The following TMEM202 variants were observed in gnomAD, a reference collection of about 807,000 sequenced individuals.
TMEM202 encodes transmembrane protein 202.
Under a neutral mutation model 26.1 loss-of-function variants are expected in TMEM202, and 25 were observed. The observed-to-expected ratio is 0.96, with a 90% confidence interval of 0.70 to 1.34. The LOEUF (loss-of-function observed/expected upper bound fraction) is 1.34, where lower values mean the gene tolerates loss of function less well. Ranked by LOEUF, TMEM202 falls within the 40% of genes most tolerant of loss-of-function variation. The pLI, the probability that TMEM202 is intolerant of heterozygous loss-of-function variation, is 0.00. For missense variants in TMEM202, 301 were observed against 327.7 expected (o/e 0.92, Z 0.63); for synonymous variants, 122 against 119.0 (o/e 1.02, Z -0.16).
intron 4 of TMEM202, 92 bp downstream of exon 4, chr15:72,407,309 C>G (rs574595247): frequency 7.4e-4 from 1,058 of 1,430,448 alleles, no homozygotes; most frequent in Non-Finnish European, 8.7e-4. Flanking sequence ...GAAGCACTGA[C>G]TGTTCCTTTT....
intron 4 of TMEM202, 141 bp from the exon 5 acceptor site, chr15:72,407,550 G>A: frequency 5.5e-6 from 4 of 722,362 alleles, no homozygotes; most frequent in Non-Finnish European, 6.9e-6. Flanking sequence ...AGCACAGGAG[G>A]GTAAAGTAAC....
rs753841322 is a variant in TMEM202 at position 72,407,085 on chromosome 15, GC to G, written c.488del (p.Ala163ValfsTer53). 5.0e-6 allele frequency: 8 copies of G among 1,611,702 alleles called. No individual in the cohort carries two copies. The African/African-American group carries it at 9.4e-5, about 19-fold the overall frequency. On this transcript the variant is annotated frameshift_variant and splice_region_variant, in exon 4 of 5. Transcript: ENST00000341689. LOFTEE classifies it high-confidence loss of function. ...TGTGACATCTTTCCTTCTGGTCCTA[GC>G]TACCTGCTTGCTCCTCTGCCTCAAC... is the stretch of plus-strand genomic sequence containing the variant. ...LKVSMLSFIS[A>X]TCLLLCLNLF... is the part of the protein sequence containing the mutation.
At chr15:72,406,862 A>G (rs1203354736) in intron 3 of TMEM202, 111 bp downstream of exon 3, 1 of 1,312,750 alleles carries the variant, frequency 7.6e-7, no homozygotes, top group Non-Finnish European at 1.1e-6. Flanking sequence ...CTTCTTCAGT[A>G]TCACACCAAC....
chr15:72,400,227 AAAG>A (rs2063541200), intron 2 of TMEM202, among the ~76,000 whole-genome samples: 1 of 152,266 alleles, frequency 6.6e-6, no homozygotes, highest in Admixed American at 6.5e-5. Context: ...GACATGCACA[AAAG>A]AAGAACTATA....
rs749213671 is a variant in TMEM202, at chr15:72,398,790, C to T, written c.219C>T (p.Ala73=). The T allele has an allele frequency of 1.2e-6, 2 of 1,614,176 alleles. No individual in the cohort carries two copies. Among genetic ancestry groups the T allele is most frequent in the Non-Finnish European group, 1.7e-6 (2 of 1,180,038 alleles). Residue 73 remains alanine (A), a synonymous_variant, in exon 2 of 5, where the codon GCC becomes GCT. Coordinates refer to ENST00000341689, the MANE Select transcript of TMEM202 (RefSeq NM_001080462.3). ...LCSFSLLMLI[A]MSPLNWVQFL... ...GTTTTAGCCTCCTAATGCTGATCGC[C>T]ATGTCCCCACTGAACTGGGTACAGT...
In TMEM202 at chr15:72,407,810, G is replaced by A. The variant is rs1458937610; in HGVS notation, c.739G>A (p.Ala247Thr). The A allele has an allele frequency of 1.2e-6, 2 of 1,614,112 alleles. No homozygotes were observed. The highest frequency in any genetic ancestry group is 1.7e-5 in the Admixed American group (1 of 60,018). ...TGGTCCGGTGACTACAGTATCACCT[G>A]CTAAAGATGAAGGGCCAAGGTCTGA... is the stretch of plus-strand genomic sequence containing the variant. ...GVGPVTTVSP[A>T]KDEGPRSEME... is the part of the protein sequence containing the mutation. The change falls in exon 5 of 5, where the codon GCT (alanine) becomes ACT (threonine). Residue 247 changes from alanine to threonine, a missense_variant. Coordinates refer to ENST00000341689, the MANE Select transcript of TMEM202 (RefSeq NM_001080462.3).
intron 2 of TMEM202, among the ~76,000 whole-genome samples, chr15:72,401,413 G>A (rs1436838525): frequency 1.3e-5 from 2 of 152,116 alleles, no homozygotes; most frequent in Non-Finnish European, 2.9e-5. Flanking sequence ...GCGTGGTAGT[G>A]GGCACCTGCA....
At chr15:72,402,252 C>T (rs888872826) in intron 2 of TMEM202, among the ~76,000 whole-genome samples, 58 of 152,190 alleles carry the variant, frequency 3.8e-4, no homozygotes, top group Admixed American at 2.4e-3. Flanking sequence ...AGGCATGAGC[C>T]ACTGCACCTG....
At chr15:72,401,718 CTTTGT>C (rs2063548505) in intron 2 of TMEM202, among the ~76,000 whole-genome samples, 1 of 152,128 alleles carries the variant, frequency 6.6e-6, no homozygotes, top group South Asian at 2.1e-4. Flanking sequence ...TTTGTTTATG[CTTTGT>C]TTTATCTCTA....
At position 72,407,156 on chromosome 15, in the gene TMEM202, G is replaced by T. The variant is rs1165023405; in HGVS notation, c.558G>T (p.Glu186Asp). Reference sequence around the variant, plus strand: ...ACTGGCATACTAGGGATGCCATGGAGTCAGATCTCCTATGGACCTATTATC... The same window carrying T: ...ACTGGCATACTAGGGATGCCATGGATTCAGATCTCCTATGGACCTATTATC... Reference protein sequence around the residue: ...QVHWHTRDAMESDLLWTYYLN... With the variant: ...QVHWHTRDAMDSDLLWTYYLN... Residue 186 changes from glutamate (E) to aspartate (D), a missense_variant, in exon 4 of 5, where the codon GAG (glutamate) becomes GAT (aspartate). By Grantham distance (45) the Glu-to-Asp change is conservative. Transcript: ENST00000341689. The T allele has an allele frequency of 1.2e-6, 2 of 1,613,354 alleles. No individual in the cohort carries two copies. Among genetic ancestry groups the T allele is most frequent in the African/African-American group, 2.7e-5 (2 of 74,880 alleles).
intron 4 of TMEM202, among the ~76,000 whole-genome samples, chr15:72,407,440 A>C (rs900867900): frequency 4.6e-5 from 7 of 152,166 alleles, no homozygotes; most frequent in Non-Finnish European, 8.8e-5. Flanking sequence ...AAGTTGAGTA[A>C]CTTGCCCAAG....
In TMEM202 at chr15:72,407,888, T is replaced by C. The variant is rs2063581087; in HGVS notation, c.817T>C (p.Trp273Arg). Residue 273 changes from tryptophan (W) to arginine (R), a missense_variant, in exon 5 of 5, where the codon TGG becomes CGG. Coordinates refer to ENST00000341689, the MANE Select transcript of TMEM202 (RefSeq NM_001080462.3). ...AAATTTACCAAAGTCAGGACTGTGGTGGTGATAGGAAAACCTAACTATAGC... is the reference window on the plus strand; with the variant it reads ...AAATTTACCAAAGTCAGGACTGTGGCGGTGATAGGAAAACCTAACTATAGC... ...EKNLPKSGLWW is the reference protein window; with the variant it reads ...EKNLPKSGLWR 1 of 1,612,870 alleles carries C rather than the reference T, an allele frequency of 6.2e-7. No individual in the cohort carries two copies. The highest frequency in any genetic ancestry group is 8.5e-7 in the Non-Finnish European group (1 of 1,179,746).
intron 2 of TMEM202, among the ~76,000 whole-genome samples, chr15:72,406,169 T>C (rs2063570082): frequency 6.6e-6 from 1 of 152,144 alleles, no homozygotes; most frequent in Non-Finnish European, 1.5e-5. Context: ...ATATCTAGTA[T>C]CATATCTACT....
chr15:72,398,688 G>T lies in TMEM202; in HGVS notation c.117G>T (p.Ser39=). ...TVPAKKHPSA[S]MSCQRQQQLM... ...CTGCCAAGAAACATCCAAGTGCCTCGATGTCATGCCAAAGGCAGCAGCAGC... is the reference window on the plus strand; with the variant it reads ...CTGCCAAGAAACATCCAAGTGCCTCTATGTCATGCCAAAGGCAGCAGCAGC... The change falls in exon 2 of 5, where the codon TCG becomes TCT. Residue 39 remains serine (S), a synonymous_variant. Transcript: ENST00000341689. The T allele has an allele frequency of 6.2e-7, 1 of 1,614,118 alleles. No individual in the cohort carries two copies. Among genetic ancestry groups the T allele is most frequent in the Non-Finnish European group, 8.5e-7 (1 of 1,180,020 alleles).
intron 1 of TMEM202, 88 bp from the exon 2 acceptor site, chr15:72,398,565 T>C: frequency 4.6e-6 from 7 of 1,522,128 alleles, no homozygotes; most frequent in Non-Finnish European, 6.2e-6. Context: ...CAAACACACA[T>C]GGGAATGCTT....
chr15:72,405,339 A>G (rs1057425938), intron 2 of TMEM202, among the ~76,000 whole-genome samples: 2 of 152,230 alleles, frequency 1.3e-5, no homozygotes, highest in African/African-American at 4.8e-5. Context: ...CTGGTAGCTC[A>G]GAAAAGCTAT....
intron 2 of TMEM202, among the ~76,000 whole-genome samples, chr15:72,400,831 C>G (rs990467463): frequency 5.3e-4 from 80 of 152,254 alleles, no homozygotes; most frequent in African/African-American, 1.9e-3. Flanking sequence ...TGCTGTTTGC[C>G]CATTTTAATG....
At chr15:72,406,939 C>T (rs1466496939) in intron 3 of TMEM202, 147 bp from the exon 4 acceptor site, 2 of 1,229,920 alleles carry the variant, frequency 1.6e-6, no homozygotes, top group Non-Finnish European at 2.3e-6. Context: ...GGGTATAGAG[C>T]CTTTCTCTCA....
At chr15:72,402,250 G>A (rs539165246) in intron 2 of TMEM202, among the ~76,000 whole-genome samples, 27 of 152,312 alleles carry the variant, frequency 1.8e-4, no homozygotes, top group African/African-American at 6.3e-4. Flanking sequence ...ACAGGCATGA[G>A]CCACTGCACC....
Sources: allele counts gnomAD v4.1 joint callset (sites outside exome capture counted in the v4.1 genomes callset), GRCh38; gene constraint gnomAD v4.1.1; transcripts MANE v1.5; gene names NCBI Gene and HGNC (gene_info 2026-07-23, HGNC 2026-07-21).